RERE: variants seen among roughly 807,000 people sequenced by gnomAD.
The protein encoded by RERE is arginine-glutamic acid dipeptide repeats, also known as arginine-glutamic acid dipeptide repeats protein.
Under a neutral mutation model 146.1 loss-of-function variants are expected in RERE, and 40 were observed. The ratio of observed to expected loss-of-function variants is 0.27; its 90% CI spans 0.21 to 0.36. RERE has a LOEUF of 0.36. RERE is among the 10% of genes least tolerant of loss of function. The probability of loss-of-function intolerance (pLI) is 1.00; values close to 1 mark genes in which losing one functional copy is unlikely to be tolerated. For missense variants in RERE, 1,933 were observed against 2,138.7 expected (o/e 0.90, Z 1.90); for synonymous variants, 1,003 against 866.0 (o/e 1.16, Z -2.78).
rs750649784 is a variant in RERE, at chr1:8,358,467, G to A, written c.4068C>T (p.Pro1356=). ...CAAAAGGGTGGGGCCCGGCGGTCGG[G>A]GGGATGGTGAGGGCGCTGTGCCGGG... ...HFARHSALTI[P]PTAGPHPFAS... Residue 1356 remains proline, a synonymous_variant, in exon 20 of 23, where the codon CCC becomes CCT. Transcript: ENST00000400908. The A allele has an allele frequency of 1.3e-6, 2 of 1,585,254 alleles. No homozygotes were observed. The highest frequency in any genetic ancestry group is 3.4e-5 in the Admixed American group (2 of 58,404).
intron 10 of RERE, among the ~76,000 whole-genome samples, chr1:8,467,640 CT>C (rs1393959707): frequency 6.6e-6 from 1 of 152,138 alleles, no homozygotes; most frequent in Admixed American, 6.5e-5. Flanking sequence ...CATTCATTTT[CT>C]TTTATTTTTT....
At chr1:8,522,393 T>C (rs1487791919) in intron 7 of RERE, among the ~76,000 whole-genome samples, 1 of 152,220 alleles carries the variant, frequency 6.6e-6, no homozygotes, top group Non-Finnish European at 1.5e-5. Context: ...GTCTTTGGTA[T>C]GAATATGTTG....
intron 10 of RERE, among the ~76,000 whole-genome samples, chr1:8,471,922 C>G (rs1644691741): frequency 6.6e-6 from 1 of 152,206 alleles, no homozygotes; most frequent in African/African-American, 2.4e-5. Context: ...TGTGATTCTT[C>G]TGCCTCAGCA....
chr1:8,579,624 G>A (rs908302205), intron 4 of RERE, among the ~76,000 whole-genome samples: 1 of 152,210 alleles, frequency 6.6e-6, no homozygotes, highest in South Asian at 2.1e-4. Context: ...ATCATTATCT[G>A]GTAACTATAA....
intron 1 of RERE, among the ~76,000 whole-genome samples, chr1:8,771,084 C>T (rs1464910338): frequency 1.3e-5 from 2 of 152,004 alleles, no homozygotes; most frequent in African/African-American, 4.8e-5. Flanking sequence ...AAAATAACTA[C>T]AGCAGTCAGA....
chr1:8,440,992 AG>A (rs1421494637), intron 11 of RERE, among the ~76,000 whole-genome samples: 1 of 110,464 alleles, frequency 9.1e-6, no homozygotes, highest in African/African-American at 3.5e-5. Flanking sequence ...TAGCTCATGC[AG>A]GTTTTTTGTT....
intron 1 of RERE, among the ~76,000 whole-genome samples, chr1:8,808,767 A>C (rs2124603226): frequency 6.6e-6 from 1 of 152,310 alleles, no homozygotes; most frequent in East Asian, 1.9e-4. Flanking sequence ...TCAAGGAGGC[A>C]AAAGACAACA....
intron 1 of RERE, among the ~76,000 whole-genome samples, chr1:8,812,600 C>T (rs1482536522): frequency 2.0e-5 from 3 of 152,118 alleles, no homozygotes; most frequent in Non-Finnish European, 4.4e-5. Flanking sequence ...GAGCCGAGAT[C>T]GTGCCATCGC....
At chr1:8,726,347 T>C (rs1208973577) in intron 1 of RERE, among the ~76,000 whole-genome samples, 1 of 151,912 alleles carries the variant, frequency 6.6e-6, no homozygotes, top group Non-Finnish European at 1.5e-5. Context: ...AGATGGGGTT[T>C]CATCACCATG....
At chr1:8,400,837 CAAAAAAAAAA>C (rs147651647) in intron 12 of RERE, among the ~76,000 whole-genome samples, 2 of 58,664 alleles carry the variant, frequency 3.4e-5, no homozygotes, top group African/African-American at 1.3e-4. Context: ...AACACCATCT[CAAAAAAAAAA>C]AAAAAAAAAA....
chr1:8,674,842 CTGAAGA>C (rs1638798783), intron 1 of RERE, among the ~76,000 whole-genome samples: 1 of 152,180 alleles, frequency 6.6e-6, no homozygotes, highest in South Asian at 2.1e-4. Context: ...TAAGCATATA[CTGAAGA>C]ACTCTAGTCT....
At chr1:8,744,365 CATT>C (rs1262088600) in intron 1 of RERE, among the ~76,000 whole-genome samples, 2 of 152,202 alleles carry the variant, frequency 1.3e-5, no homozygotes, top group Non-Finnish European at 2.9e-5. Context: ...CCACTTATAA[CATT>C]ATGAGGGTCA....
At chr1:8,441,950 T>TTTTTTTTTTTTTTTTTTTTTTTGAGAC (rs1295131605) in intron 11 of RERE, among the ~76,000 whole-genome samples, 1 of 151,486 alleles carries the variant, frequency 6.6e-6, no homozygotes, top group Admixed American at 6.6e-5. Context: ...CACTTTTTGT[T>TTTTTTTTTTTTTTTTTTTTTTTGAGAC]GCAGGGAAGT....
At chr1:8,704,707 T>C (rs1212510558) in intron 1 of RERE, among the ~76,000 whole-genome samples, 1 of 152,252 alleles carries the variant, frequency 6.6e-6, no homozygotes, top group Non-Finnish European at 1.5e-5. Context: ...AAGATAACTC[T>C]GCTGGTCTCT....
At chr1:8,446,959 G>A (rs1023913246) in intron 11 of RERE, among the ~76,000 whole-genome samples, 3 of 152,064 alleles carry the variant, frequency 2.0e-5, no homozygotes, top group African/African-American at 7.2e-5. Context: ...GATTATAGGC[G>A]TGAGCCACTG....
intron 7 of RERE, among the ~76,000 whole-genome samples, 159 bp from the exon 8 acceptor site, chr1:8,508,834 C>A (rs1352206077): frequency 6.6e-6 from 1 of 152,180 alleles, no homozygotes; most frequent in African/African-American, 2.4e-5. Context: ...CATACACCAC[C>A]CACCACCACA....
intron 12 of RERE, among the ~76,000 whole-genome samples, chr1:8,402,437 C>A (rs1376030028): frequency 6.6e-6 from 1 of 152,144 alleles, no homozygotes; most frequent in African/African-American, 2.4e-5. Flanking sequence ...CCCTTACTGC[C>A]CCATTCAAAA....
chr1:8,694,202 G>A (rs1228149873), intron 1 of RERE, among the ~76,000 whole-genome samples: 3 of 152,100 alleles, frequency 2.0e-5, no homozygotes, highest in Non-Finnish European at 4.4e-5. Flanking sequence ...CTCTTTGCTG[G>A]CAATATGATT....
intron 7 of RERE, among the ~76,000 whole-genome samples, chr1:8,529,392 C>A (rs1190481779): frequency 1.3e-5 from 2 of 148,194 alleles, no homozygotes; most frequent in South Asian, 2.1e-4. Flanking sequence ...TAGGTTCACG[C>A]CATTCTCCTG....
Sources: allele counts gnomAD v4.1 joint callset (sites outside exome capture counted in the v4.1 genomes callset), GRCh38; gene constraint gnomAD v4.1.1; transcripts MANE v1.5; gene names NCBI Gene and HGNC (gene_info 2026-07-23, HGNC 2026-07-21).